Variants in DMRT1 observed in about 807,000 individuals in gnomAD.
DMRT1 encodes doublesex- and mab-3-related transcription factor 1.
In DMRT1, 7 loss-of-function variants were observed where a neutral mutation model predicts 32.3. The observed-to-expected ratio is 0.22, with a 90% CI of 0.12 to 0.41. The LOEUF is 0.41. Ranked by LOEUF, DMRT1 falls within the 10% of genes least tolerant of loss-of-function variation. The pLI, the probability that DMRT1 is intolerant of heterozygous loss-of-function variation, is 1.00. For synonymous variants in DMRT1, 278 were observed against 206.1 expected, an observed-to-expected ratio of 1.35 and a Z score of -2.99; for missense variants, 625 against 500.5, an observed-to-expected ratio of 1.25 and a Z score of -2.37.
At chr9:875,199 A>T (rs955612986) in intron 2 of DMRT1, among the ~76,000 whole-genome samples, 1 of 152,180 alleles carries the variant, frequency 6.6e-6, no homozygotes, top group East Asian at 1.9e-4. Flanking sequence ...TTTAAAAAAC[A>T]TGTCTTTATT....
chr9:879,566 A>G (rs996576456), intron 2 of DMRT1, among the ~76,000 whole-genome samples: 1 of 152,240 alleles, frequency 6.6e-6, no homozygotes, highest in African/African-American at 2.4e-5. Context: ...AAGTATTTTA[A>G]TAGCCTTTTA....
At position 951,759 on chromosome 9, in the gene DMRT1, A is replaced by G. The variant is rs897839888; in HGVS notation, c.968-16226A>G. 4.6e-5 allele frequency among the ~76,000 whole-genome samples: 7 copies of G among 152,228 alleles called. No homozygotes were observed. The East Asian group carries it at 7.7e-4, about 17-fold the overall frequency. On this transcript the variant is annotated intron_variant, in intron 4 of 4. Coordinates refer to ENST00000382276, the MANE Select transcript of DMRT1 (RefSeq NM_021951.3). ...AGACCCTGGGAGTGGACCAGGGGCCACAGGATACCTAAGAACAGAAAAGAA... is the reference window on the plus strand; with the variant it reads ...AGACCCTGGGAGTGGACCAGGGGCCGCAGGATACCTAAGAACAGAAAAGAA...
intron 4 of DMRT1, among the ~76,000 whole-genome samples, chr9:932,704 G>A (rs1818763862): frequency 1.3e-5 from 2 of 152,042 alleles, no homozygotes; most frequent in African/African-American, 4.8e-5. Flanking sequence ...GGGTGCCCAG[G>A]TTATCCACAT....
chr9:881,056 G>C (rs982210990), intron 2 of DMRT1, among the ~76,000 whole-genome samples: 5 of 152,114 alleles, frequency 3.3e-5, no homozygotes, highest in Admixed American at 2.6e-4. Flanking sequence ...CATTGCGGGA[G>C]GCTGTCACGC....
At chr9:924,161 T>C (rs1818447742) in intron 4 of DMRT1, among the ~76,000 whole-genome samples, 1 of 149,990 alleles carries the variant, frequency 6.7e-6, no homozygotes, top group Non-Finnish European at 1.5e-5. Flanking sequence ...AACCTCTGCC[T>C]CCCAGGTTCA....
chr9:952,380 C>A (rs537526214), intron 4 of DMRT1, among the ~76,000 whole-genome samples: 2 of 152,256 alleles, frequency 1.3e-5, no homozygotes, highest in African/African-American at 4.8e-5. Flanking sequence ...TCTTCCAACA[C>A]CTTGGACGTG....
At chr9:896,122 C>G (rs1005226362) in intron 3 of DMRT1, among the ~76,000 whole-genome samples, 1 of 151,756 alleles carries the variant, frequency 6.6e-6, no homozygotes, top group Non-Finnish European at 1.5e-5. Context: ...ACTTTTTACC[C>G]TTTGCCCAAC....
chr9:961,026 A>G (rs1819755234), intron 4 of DMRT1, among the ~76,000 whole-genome samples: 1 of 152,064 alleles, frequency 6.6e-6, no homozygotes, highest in South Asian at 2.1e-4. Flanking sequence ...CTTGTGTAGA[A>G]TCCTCCTAAG....
intron 2 of DMRT1, among the ~76,000 whole-genome samples, chr9:858,628 C>T (rs1234640039): frequency 6.6e-6 from 1 of 152,020 alleles, no homozygotes; most frequent in Non-Finnish European, 1.5e-5. Context: ...AATCCCAGCA[C>T]TTTGGGAGGC....
intron 3 of DMRT1, among the ~76,000 whole-genome samples, chr9:906,873 C>T (rs910775191): frequency 1.3e-5 from 2 of 152,160 alleles, no homozygotes; most frequent in Admixed American, 1.3e-4. Flanking sequence ...TACTTTGAAT[C>T]TTGCTGTCTG....
intron 2 of DMRT1, among the ~76,000 whole-genome samples, chr9:874,763 C>T (rs1037283161): frequency 2.6e-5 from 4 of 150,972 alleles, no homozygotes; most frequent in Non-Finnish European, 4.4e-5. Flanking sequence ...CTTGTCATAA[C>T]CCTGTATTAA....
intron 3 of DMRT1, among the ~76,000 whole-genome samples, chr9:901,309 G>A (rs892707581): frequency 1.3e-5 from 2 of 151,768 alleles, no homozygotes; most frequent in African/African-American, 4.8e-5. Flanking sequence ...GAGCCACCAC[G>A]CCTGACCAAT....
chr9:858,578 A>G (rs1457408127), intron 2 of DMRT1, among the ~76,000 whole-genome samples: 1 of 152,036 alleles, frequency 6.6e-6, no homozygotes, highest in Non-Finnish European at 1.5e-5. Flanking sequence ...CACAACTTAA[A>G]ATTTATCATT....
chr9:900,313 C>G (rs930472341), intron 3 of DMRT1, among the ~76,000 whole-genome samples: 1 of 152,194 alleles, frequency 6.6e-6, no homozygotes, highest in Admixed American at 6.5e-5. Context: ...AAAGCCAGTA[C>G]CTTTTCACTG....
At chr9:895,930 G>A (rs910453698) in intron 3 of DMRT1, among the ~76,000 whole-genome samples, 1 of 149,394 alleles carries the variant, frequency 6.7e-6, no homozygotes, top group Non-Finnish European at 1.5e-5. Context: ...TCAGCCTCCC[G>A]AGTAGCTGGG....
intron 2 of DMRT1, among the ~76,000 whole-genome samples, chr9:885,918 T>G (rs1232121605): frequency 2.0e-5 from 3 of 152,350 alleles, no homozygotes; most frequent in African/African-American, 7.2e-5. Flanking sequence ...GCTAGCTTTC[T>G]GTTATTATTC....
At chr9:892,085 T>G (rs1444791384) in intron 2 of DMRT1, among the ~76,000 whole-genome samples, 1 of 152,168 alleles carries the variant, frequency 6.6e-6, no homozygotes, top group African/African-American at 2.4e-5. Flanking sequence ...CAGGCCTGCA[T>G]CTGCTCCTTT....
rs956614046 is a variant in DMRT1, at chr9:841,850, C to G, written c.12C>G (p.Asp4Glu). MPN[D>E]EAFSKPSTPS... ...CTCCTAGGGGCACCATGCCCAACGA[C>G]GAGGCATTCAGCAAGCCCTCTACAC... is the stretch of plus-strand genomic sequence containing the variant. The change falls in exon 1 of 5, where the codon GAC becomes GAG. Residue 4 changes from aspartate to glutamate, a missense_variant. Transcript: ENST00000382276. The G allele has an allele frequency of 1.2e-6, 2 of 1,612,260 alleles. No individual in the cohort carries two copies. The highest frequency in any genetic ancestry group is 1.7e-6 in the Non-Finnish European group (2 of 1,179,416).
In DMRT1 at chr9:968,000, G is replaced by A. The variant is rs1288014623; in HGVS notation, c.983G>A (p.Ser328Asn). ...CACTTCGCAGTATTCTCGCCGCCCAGCAGTCAAGATTCTGGCTTGGTTTCC... is the reference window on the plus strand; with the variant it reads ...CACTTCGCAGTATTCTCGCCGCCCAACAGTCAAGATTCTGGCTTGGTTTCC... ...EARASVFSPP[S>N]SQDSGLVSLS... Residue 328 changes from serine to asparagine, a missense_variant, in exon 5 of 5, where the codon AGC becomes AAC. Physicochemically the swap from Ser to Asn is conservative, Grantham distance 46. Transcript: ENST00000382276. 2 of 1,613,880 alleles carry A rather than the reference G, an allele frequency of 1.2e-6. No individual in the cohort carries two copies. The highest frequency in any genetic ancestry group is 1.7e-6 in the Non-Finnish European group (2 of 1,180,000).
Sources: gnomAD v4.1 joint callset for allele counts (sites outside exome capture counted in the v4.1 genomes callset) on GRCh38, gnomAD v4.1.1 for gene constraint, MANE v1.5 for transcripts, NCBI Gene and HGNC (gene_info 2026-07-23, HGNC 2026-07-21) for gene names.